FAM13B: variants seen among roughly 807,000 people sequenced by gnomAD.
FAM13B encodes family with sequence similarity 13 member B.
A neutral mutation model predicts 117.3 loss-of-function variants in FAM13B; 60 were observed. That is an observed-to-expected ratio of 0.51 (90% confidence interval 0.42 to 0.63). FAM13B has a LOEUF of 0.63. Ranked by LOEUF, FAM13B falls within the 30% of genes least tolerant of loss-of-function variation. The probability of loss-of-function intolerance (pLI) is 0.00; values close to 1 mark genes in which losing one functional copy is unlikely to be tolerated. For synonymous variants in FAM13B, 332 were observed against 356.1 expected (o/e 0.93, Z 0.76); for missense variants, 972 against 1,091.9 (o/e 0.89, Z 1.55).
At chr5:138,014,118 G>GT (rs916956162) in intron 4 of FAM13B, among the ~76,000 whole-genome samples, 5 of 152,122 alleles carry the variant, frequency 3.3e-5, no homozygotes, top group African/African-American at 1.2e-4. Context: ...TGAAGTTTCT[G>GT]TAACAACAGG....
chr5:138,029,196 AG>A (rs1406232778), intron 1 of FAM13B, among the ~76,000 whole-genome samples: 1 of 152,240 alleles, frequency 6.6e-6, no homozygotes, highest in East Asian at 1.9e-4. Context: ...TCCTTTTCTC[AG>A]AAGAGGAAGC....
chr5:137,985,534 C>T, intron 9 of FAM13B, 145 bp from the exon 10 acceptor site: 1 of 778,724 alleles, frequency 1.3e-6, no homozygotes. Flanking sequence ...ACACTTTTAT[C>T]TTGCTAAATT....
At chr5:138,013,750 A>G (rs1267155518) in intron 4 of FAM13B, among the ~76,000 whole-genome samples, 1 of 152,196 alleles carries the variant, frequency 6.6e-6, no homozygotes, top group Non-Finnish European at 1.5e-5. Context: ...TTATTATAGA[A>G]ATCACATATC....
At chr5:138,001,150 T>A (rs555779611) in intron 7 of FAM13B, among the ~76,000 whole-genome samples, 55 of 152,222 alleles carry the variant, frequency 3.6e-4, no homozygotes, top group Non-Finnish European at 7.2e-4. Flanking sequence ...ACTTAAATCA[T>A]CCCCCAAGTG....
chr5:137,940,166 C>T lies in FAM13B; in HGVS notation c.*59G>A, dbSNP rs370070551. The T allele has an allele frequency of 4.4e-5, 71 of 1,613,058 alleles. No individual in the cohort carries two copies. Among genetic ancestry groups the T allele is most frequent in the East Asian group, 6.7e-5 (3 of 44,870 alleles). On this transcript the variant is annotated 3_prime_UTR_variant, in exon 24 of 24. Transcript: ENST00000689681. Reference sequence around the variant, plus strand: ...AATTTAAGTACCAGCCAAGTACACACGATGATAGCTTCAAGGAATACAACT... The same window carrying T: ...AATTTAAGTACCAGCCAAGTACACATGATGATAGCTTCAAGGAATACAACT...
intron 1 of FAM13B, among the ~76,000 whole-genome samples, chr5:138,041,147 A>T (rs1229674528): frequency 6.6e-6 from 1 of 152,166 alleles, no homozygotes; most frequent in East Asian, 1.9e-4. Flanking sequence ...TTCAATAGTA[A>T]CAATAGAAGC....
rs531577583 is a variant in FAM13B, at chr5:138,025,234, T to C, written c.-202-4037A>G. Among the ~76,000 whole-genome samples, 80 of 150,212 alleles carry C rather than the reference T, an allele frequency of 5.3e-4. 1 individual carries two copies. The highest frequency in any genetic ancestry group is 1.9e-3 in the African/African-American group (78 of 40,916). ...TATTGACAAGGAATAGGAAATTACATTGAATTTTACATCATATACCTCACC... is the reference window on the plus strand; with the variant it reads ...TATTGACAAGGAATAGGAAATTACACTGAATTTTACATCATATACCTCACC... On this transcript the variant is annotated intron_variant, in intron 1 of 23. Coordinates refer to ENST00000689681, the MANE Select transcript of FAM13B (RefSeq NM_001385994.1).
At chr5:138,033,201 C>A, upstream of FAM13B, 3 of 348,930 alleles carry the variant, frequency 8.6e-6, no homozygotes, top group Non-Finnish European at 1.2e-5. Context: ...CTGTGTCCTG[C>A]AAGCTTGAGG....
rs749078976 is a variant in FAM13B, at chr5:138,018,457, C to A, written c.215G>T (p.Trp72Leu). ...QVNGNAETVE[W>L]LRQRYDSGEE... is the part of the protein sequence containing the mutation. ...TCCGCTGTCGTATCTCTGCCGAAGCCACTCCACTGTCTCAGCATTTCCATT... is the reference window on the plus strand; with the variant it reads ...TCCGCTGTCGTATCTCTGCCGAAGCAACTCCACTGTCTCAGCATTTCCATT... The change falls in exon 4 of 24, where the codon TGG becomes TTG. Residue 72 changes from tryptophan to leucine, a missense_variant. By Grantham distance (61) the Trp-to-Leu change is moderately conservative. Coordinates refer to ENST00000689681, the MANE Select transcript of FAM13B (RefSeq NM_001385994.1). The A allele has an allele frequency of 6.2e-7, 1 of 1,614,152 alleles. No homozygotes were observed. Among genetic ancestry groups the A allele is most frequent in the South Asian group, 1.1e-5 (1 of 91,078 alleles).
chr5:137,967,673 G>C (rs1770486025), intron 10 of FAM13B, among the ~76,000 whole-genome samples: 1 of 151,864 alleles, frequency 6.6e-6, no homozygotes, highest in Admixed American at 6.6e-5. Context: ...TGGGAGAATT[G>C]CTTGAAGCCA....
intron 23 of FAM13B, 114 bp downstream of exon 23, chr5:137,941,830 G>A (rs1761945441): frequency 2.4e-6 from 2 of 848,980 alleles, no homozygotes. Flanking sequence ...AAATTTTTCA[G>A]TGCTAGCATC....
At chr5:138,016,184 A>G (rs1450270658) in intron 4 of FAM13B, among the ~76,000 whole-genome samples, 1 of 152,228 alleles carries the variant, frequency 6.6e-6, no homozygotes, top group African/African-American at 2.4e-5. Flanking sequence ...AAACTTTTTC[A>G]AATAGGGTAA....
At chr5:138,034,667 T>G (rs576466296), upstream of FAM13B, among the ~76,000 whole-genome samples, 1 of 152,316 alleles carries the variant, frequency 6.6e-6, no homozygotes, top group African/African-American at 2.4e-5. Flanking sequence ...TTTCCAAATC[T>G]GCCAAACAGG....
intron 7 of FAM13B, among the ~76,000 whole-genome samples, chr5:137,989,136 G>C (rs551793634): frequency 6.6e-6 from 1 of 152,332 alleles, no homozygotes; most frequent in African/African-American, 2.4e-5. Flanking sequence ...CTGCCTTCTT[G>C]ACCTGAACAC....
chr5:137,985,631 A>C (rs1399552457), intron 9 of FAM13B, among the ~76,000 whole-genome samples: 1 of 152,174 alleles, frequency 6.6e-6, no homozygotes, highest in Non-Finnish European at 1.5e-5. Context: ...TAAGCGAATA[A>C]ATAGCTTTTA....
intron 17 of FAM13B, among the ~76,000 whole-genome samples, chr5:137,950,347 G>T (rs1305140205): frequency 1.3e-5 from 2 of 152,142 alleles, no homozygotes; most frequent in African/African-American, 4.8e-5. Context: ...AAGGGCATCT[G>T]TCCCCAGTGA....
Position 137,988,281 on chromosome 5 carries a change from A to G in FAM13B, c.883T>C (p.Ser295Pro). The G allele has an allele frequency of 6.4e-7, 1 of 1,551,980 alleles. No homozygotes were observed. The highest frequency in any genetic ancestry group is 8.6e-7 in the Non-Finnish European group (1 of 1,160,254). ...TATAAATATACTACTTACTCTGTAG[A>G]GGCTGGTAGGATGCTGATGGGAGAT... ...HISPISILPA[S>P]TDILERTIRA... The change falls in exon 8 of 24, where the codon TCT becomes CCT. Residue 295 changes from serine (S) to proline (P), a missense_variant. By Grantham distance (74) the Ser-to-Pro change is moderately conservative. Coordinates refer to ENST00000689681, the MANE Select transcript of FAM13B (RefSeq NM_001385994.1).
At chr5:137,942,446 C>T (rs1318908320) in intron 22 of FAM13B, 4 of 215,974 alleles carry the variant, frequency 1.9e-5, no homozygotes, top group Admixed American at 1.1e-4. Flanking sequence ...TCAACATCCT[C>T]CAAACAGAGA....
At chr5:137,965,968 T>C (rs1769598229) in intron 10 of FAM13B, among the ~76,000 whole-genome samples, 1 of 146,170 alleles carries the variant, frequency 6.8e-6, no homozygotes, top group Admixed American at 6.8e-5. Context: ...CTTTTTTTTT[T>C]CACCTTCATA....
Sources: gnomAD v4.1 joint callset for allele counts (sites outside exome capture counted in the v4.1 genomes callset) on GRCh38, gnomAD v4.1.1 for gene constraint, MANE v1.5 for transcripts, NCBI Gene and HGNC (gene_info 2026-07-23, HGNC 2026-07-21) for gene names.